Variants in BRINP3 observed in about 807,000 individuals in gnomAD.
BRINP3 encodes the protein BMP/retinoic acid-inducible neural-specific protein 3.
A neutral mutation model predicts 71.0 loss-of-function variants in BRINP3; 19 were observed. That is an observed-to-expected ratio of 0.27 (90% confidence interval 0.19 to 0.39). BRINP3 has a LOEUF of 0.39. Among genes scored for constraint, BRINP3 ranks in the 10% least tolerant of loss-of-function variants. The pLI is 1.00. For missense variants in BRINP3, 959 were observed against 940.8 expected (o/e 1.02, Z -0.25); for synonymous variants, 380 against 337.7 (o/e 1.13, Z -1.37).
At chr1:190,453,167 C>A (rs1283019002) in intron 2 of BRINP3, among the ~76,000 whole-genome samples, 1 of 128,796 alleles carries the variant, frequency 7.8e-6, no homozygotes, top group African/African-American at 2.9e-5. Flanking sequence ...AAAATGTTGA[C>A]AATTTCTGCT....
intron 7 of BRINP3, among the ~76,000 whole-genome samples, chr1:190,116,681 A>G (rs186504469): frequency 1.3e-5 from 2 of 152,166 alleles, no homozygotes; most frequent in African/African-American, 4.8e-5. Flanking sequence ...AGATTTTCTG[A>G]TCCAAAATCA....
intron 3 of BRINP3, among the ~76,000 whole-genome samples, chr1:190,272,631 A>G (rs1182375666): frequency 6.6e-6 from 1 of 151,422 alleles, no homozygotes; most frequent in Admixed American, 6.6e-5. Flanking sequence ...TTTTAATTTT[A>G]CCACAGGAAT....
At chr1:190,237,296 T>C (rs1658614978) in intron 4 of BRINP3, among the ~76,000 whole-genome samples, 1 of 151,834 alleles carries the variant, frequency 6.6e-6, no homozygotes, top group African/African-American at 2.4e-5. Flanking sequence ...ATGAAATAAA[T>C]CTATCTTTCA....
intron 2 of BRINP3, among the ~76,000 whole-genome samples, chr1:190,418,038 C>G (rs1027219272): frequency 3.9e-5 from 6 of 152,132 alleles, no homozygotes; most frequent in African/African-American, 1.4e-4. Context: ...CAATCAATCC[C>G]TCTGCTGGGC....
chr1:190,134,972 G>T (rs1236815831), intron 7 of BRINP3, among the ~76,000 whole-genome samples: 1 of 152,008 alleles, frequency 6.6e-6, no homozygotes, highest in African/African-American at 2.4e-5. Flanking sequence ...ACCTGCTGAA[G>T]TACACATGTT....
intron 2 of BRINP3, among the ~76,000 whole-genome samples, chr1:190,289,477 AT>A (rs1663690564): frequency 6.6e-6 from 1 of 152,018 alleles, no homozygotes; most frequent in African/African-American, 2.4e-5. Flanking sequence ...GACAAAATAA[AT>A]TTTCAGAAAA....
intron 4 of BRINP3, among the ~76,000 whole-genome samples, chr1:190,241,673 G>A (rs982866459): frequency 6.6e-6 from 1 of 151,886 alleles, no homozygotes; most frequent in Non-Finnish European, 1.5e-5. Context: ...TTAATGCTTT[G>A]AAATATAACA....
intron 4 of BRINP3, among the ~76,000 whole-genome samples, chr1:190,264,419 C>G (rs1184700219): frequency 6.6e-6 from 1 of 152,096 alleles, no homozygotes; most frequent in Non-Finnish European, 1.5e-5. Flanking sequence ...GGGTCATTTT[C>G]TATGAAGCAG....
At chr1:190,187,797 T>C (rs933869766) in intron 6 of BRINP3, among the ~76,000 whole-genome samples, 1 of 152,104 alleles carries the variant, frequency 6.6e-6, no homozygotes, top group African/African-American at 2.4e-5. Context: ...ATAGTGTATT[T>C]TGAGGTCAGA....
intron 2 of BRINP3, among the ~76,000 whole-genome samples, chr1:190,289,590 A>T (rs1348876057): frequency 6.6e-6 from 1 of 151,964 alleles, no homozygotes; most frequent in Non-Finnish European, 1.5e-5. Flanking sequence ...TTACACACAA[A>T]CACTTTATAA....
chr1:190,460,086 C>A (rs529697554), intron 1 of BRINP3, among the ~76,000 whole-genome samples: 1 of 151,946 alleles, frequency 6.6e-6, no homozygotes, highest in South Asian at 2.1e-4. Context: ...AAAATAGTTT[C>A]TTAACATTAA....
chr1:190,190,107 T>C (rs1242912352), intron 6 of BRINP3, among the ~76,000 whole-genome samples: 1 of 152,128 alleles, frequency 6.6e-6, no homozygotes, highest in Non-Finnish European at 1.5e-5. Context: ...GGAGACTGAA[T>C]TCACCAAGCA....
intron 6 of BRINP3, among the ~76,000 whole-genome samples, chr1:190,183,840 A>G (rs1653263660): frequency 6.6e-6 from 1 of 152,170 alleles, no homozygotes; most frequent in South Asian, 2.1e-4. Context: ...TGATAAAGGC[A>G]GAAACCCAGA....
intron 2 of BRINP3, among the ~76,000 whole-genome samples, chr1:190,297,612 CT>C (rs1216852616): frequency 6.6e-6 from 1 of 151,708 alleles, no homozygotes; most frequent in African/African-American, 2.4e-5. Flanking sequence ...CACCAAATGC[CT>C]TTTTTCTGGA....
intron 7 of BRINP3, among the ~76,000 whole-genome samples, chr1:190,153,361 A>G (rs1656585789): frequency 6.6e-6 from 1 of 152,172 alleles, no homozygotes; most frequent in Admixed American, 6.6e-5. Flanking sequence ...CCTACACACA[A>G]GAAAAGGGGT....
At chr1:190,112,942 T>C (rs1401233416) in intron 7 of BRINP3, among the ~76,000 whole-genome samples, 1 of 152,158 alleles carries the variant, frequency 6.6e-6, no homozygotes, top group Non-Finnish European at 1.5e-5. Flanking sequence ...TAGTTCTTTT[T>C]CTTCATGAAA....
intron 7 of BRINP3, among the ~76,000 whole-genome samples, chr1:190,145,926 A>T (rs1308328767): frequency 6.6e-6 from 1 of 152,224 alleles, no homozygotes; most frequent in East Asian, 1.9e-4. Flanking sequence ...GCTCGAGGCC[A>T]TTATTCTAAG....
At chr1:190,451,154 T>C (rs952594851) in intron 2 of BRINP3, among the ~76,000 whole-genome samples, 12 of 150,296 alleles carry the variant, frequency 8.0e-5, no homozygotes, top group African/African-American at 2.9e-4. Context: ...CTTACACATG[T>C]GGTTAACCAA....
chr1:190,230,485 G>T (rs1479293820), intron 5 of BRINP3, among the ~76,000 whole-genome samples: 2 of 151,698 alleles, frequency 1.3e-5, no homozygotes, highest in African/African-American at 4.8e-5. Flanking sequence ...CATAAAAGAG[G>T]CCCAAAGCTG....
Sources: gnomAD v4.1 joint callset for allele counts (sites outside exome capture counted in the v4.1 genomes callset) on GRCh38, gnomAD v4.1.1 for gene constraint, MANE v1.5 for transcripts, NCBI Gene and HGNC (gene_info 2026-07-23, HGNC 2026-07-21) for gene names.